RAB3GAP2: variants seen among roughly 807,000 people sequenced by gnomAD.
RAB3GAP2 encodes the protein rab3 GTPase-activating protein non-catalytic subunit.
In RAB3GAP2, 87 loss-of-function variants were observed where a neutral mutation model predicts 185.3. The observed-to-expected ratio is 0.47, with a 90% CI of 0.39 to 0.56. The LOEUF (loss-of-function observed/expected upper bound fraction) is 0.56. Ranked by LOEUF, RAB3GAP2 falls within the 20% of genes least tolerant of loss-of-function variation. The pLI is 0.00. For missense variants in RAB3GAP2, 1,492 were observed against 1,638.2 expected (o/e 0.91, Z 1.54); for synonymous variants, 554 against 576.1 (o/e 0.96, Z 0.55).
intron 21 of RAB3GAP2, among the ~76,000 whole-genome samples, chr1:220,178,847 T>TGA (rs1658344970): frequency 6.6e-6 from 1 of 150,880 alleles, no homozygotes; most frequent in African/African-American, 2.4e-5. Context: ...AGACACAGAG[T>TGA]GAGCTGGGCA....
At chr1:220,270,198 A>AC (rs1264115290) in intron 1 of RAB3GAP2, among the ~76,000 whole-genome samples, 2 of 152,184 alleles carry the variant, frequency 1.3e-5, no homozygotes, top group Non-Finnish European at 2.9e-5. Context: ...CGAGGGCCTT[A>AC]CTCTCACATG....
intron 1 of RAB3GAP2, among the ~76,000 whole-genome samples, chr1:220,235,933 A>C (rs1340711172): frequency 6.6e-6 from 1 of 152,228 alleles, no homozygotes; most frequent in Non-Finnish European, 1.5e-5. Context: ...TTCAACAAAA[A>C]GGAAAGAGAA....
At chr1:220,184,285 G>C in intron 18 of RAB3GAP2, 122 bp from the exon 19 acceptor site, 1 of 914,116 alleles carries the variant, frequency 1.1e-6, no homozygotes, top group African/African-American at 1.7e-5. Flanking sequence ...ATTAAATACT[G>C]AGATGCTTAA....
intron 12 of RAB3GAP2, among the ~76,000 whole-genome samples, chr1:220,194,518 G>A (rs1658687831): frequency 6.6e-6 from 1 of 152,052 alleles, no homozygotes; most frequent in East Asian, 1.9e-4. Flanking sequence ...TCAGCCACCG[G>A]AGTAGCTGGG....
intron 26 of RAB3GAP2, 112 bp from the exon 27 acceptor site, chr1:220,164,911 T>C: frequency 9.9e-7 from 1 of 1,007,802 alleles, no homozygotes; most frequent in Non-Finnish European, 1.5e-6. Context: ...CACCTAAGAA[T>C]GTTGCAATAA....
chr1:220,258,510 GA>G (rs1291702538), intron 1 of RAB3GAP2, among the ~76,000 whole-genome samples: 1 of 152,148 alleles, frequency 6.6e-6, no homozygotes, highest in Non-Finnish European at 1.5e-5. Context: ...AATAGATGCA[GA>G]AAAGGCCTTT....
chr1:220,176,406 T>C (rs971235462), intron 21 of RAB3GAP2, among the ~76,000 whole-genome samples: 2 of 152,188 alleles, frequency 1.3e-5, no homozygotes, highest in Non-Finnish European at 2.9e-5. Context: ...GTGGTTGATC[T>C]GTCCCCCTGA....
chr1:220,267,999 AT>A (rs1660258835), intron 1 of RAB3GAP2: 1 of 542,126 alleles, frequency 1.8e-6, no homozygotes, highest in Non-Finnish European at 3.3e-6. Flanking sequence ...CACCTCTATA[AT>A]TCACAAGTAA....
chr1:220,267,207 G>T, intron 1 of RAB3GAP2: 2 of 928,804 alleles, frequency 2.2e-6, no homozygotes, highest in Admixed American at 3.4e-5. Context: ...CCAATTCTGT[G>T]ATATAAGTAG....
At chr1:220,152,931 C>T (rs1256277045) in intron 33 of RAB3GAP2, among the ~76,000 whole-genome samples, 1 of 152,128 alleles carries the variant, frequency 6.6e-6, no homozygotes, top group Non-Finnish European at 1.5e-5. Context: ...AGCAGACTAT[C>T]AAGTCCATGA....
intron 26 of RAB3GAP2, among the ~76,000 whole-genome samples, chr1:220,165,278 C>A (rs1658042975): frequency 6.7e-6 from 1 of 148,642 alleles, no homozygotes; most frequent in Non-Finnish European, 1.5e-5. Flanking sequence ...TAGTGAGGGA[C>A]CTATATAATA....
In RAB3GAP2 at chr1:220,253,787, A is replaced by G. The variant is rs1659982773; in HGVS notation, c.115+18436T>C. The stretch of plus-strand genomic sequence containing the variant: ...TACGTGGACACCAATTTGCAGAAAC[A>G]GCGAGAACTTCAAAAAGCCAATCAG... On this transcript the variant is annotated intron_variant, in intron 1 of 34. Transcript: ENST00000358951. The G allele has an allele frequency of 6.2e-6, 10 of 1,612,008 alleles. No homozygotes were observed. The East Asian group carries it at 2.0e-4, about 32-fold the overall frequency.
chr1:220,175,270 A>G (rs1200813271), intron 21 of RAB3GAP2, among the ~76,000 whole-genome samples: 1 of 151,212 alleles, frequency 6.6e-6, no homozygotes, highest in Non-Finnish European at 1.5e-5. Context: ...TCTGTTATTT[A>G]GGTTGGAGTG....
At chr1:220,182,182 A>C in intron 21 of RAB3GAP2, 75 bp downstream of exon 21, 7 of 1,591,844 alleles carry the variant, frequency 4.4e-6, no homozygotes, top group Non-Finnish European at 6.0e-6. Flanking sequence ...CAATAGTTAA[A>C]AAAAAAAAGA....
chr1:220,267,499 C>T, intron 1 of RAB3GAP2: 1 of 1,412,988 alleles, frequency 7.1e-7, no homozygotes, highest in Admixed American at 1.7e-5. Flanking sequence ...CTTTCCTTTA[C>T]CCGGAGGGCG....
chr1:220,242,431 C>G (rs1659712246), intron 1 of RAB3GAP2, among the ~76,000 whole-genome samples: 1 of 151,624 alleles, frequency 6.6e-6, no homozygotes, highest in African/African-American at 2.4e-5. Context: ...GAGACATCAA[C>G]AGACAAATGC....
At chr1:220,242,433 GACAAATGCAAC>G in intron 1 of RAB3GAP2, among the ~76,000 whole-genome samples, 1 of 151,710 alleles carries the variant, frequency 6.6e-6, no homozygotes, top group Non-Finnish European at 1.5e-5. Context: ...GACATCAACA[GACAAATGCAAC>G]ACAAGGCTGA....
intron 1 of RAB3GAP2, among the ~76,000 whole-genome samples, chr1:220,252,597 G>A (rs1659956747): frequency 6.6e-6 from 1 of 152,214 alleles, no homozygotes; most frequent in South Asian, 2.1e-4. Flanking sequence ...AAGGGGCACG[G>A]AGCCAAAGAA....
intron 1 of RAB3GAP2, among the ~76,000 whole-genome samples, chr1:220,246,268 A>T (rs1398782165): frequency 6.6e-6 from 1 of 152,094 alleles, no homozygotes; most frequent in Non-Finnish European, 1.5e-5. Context: ...AAGTCAGGAA[A>T]CAACAGGTGC....
Sources: gnomAD v4.1 joint callset for allele counts (sites outside exome capture counted in the v4.1 genomes callset) on GRCh38, gnomAD v4.1.1 for gene constraint, MANE v1.5 for transcripts, NCBI Gene and HGNC (gene_info 2026-07-23, HGNC 2026-07-21) for gene names.